The following GRIK4 variants were observed in gnomAD, a reference collection of about 807,000 sequenced individuals.
GRIK4 encodes glutamate ionotropic receptor kainate type subunit 4.
GRIK4 carries 40 observed loss-of-function variants against 104.9 expected under a neutral mutation model. The observed-to-expected ratio is 0.38, with a 90% CI of 0.30 to 0.50. GRIK4 has a LOEUF of 0.50. Among genes scored for constraint, GRIK4 ranks in the 20% least tolerant of loss-of-function variants. GRIK4 has a pLI of 0.93. For missense variants in GRIK4, 1,047 were observed against 1,308.1 expected (o/e 0.80, Z 3.08); for synonymous variants, 485 against 524.9 (o/e 0.92, Z 1.04).
At chr11:120,789,731 C>T (rs1952359392) in intron 3 of GRIK4, among the ~76,000 whole-genome samples, 1 of 152,158 alleles carries the variant, frequency 6.6e-6, no homozygotes, top group Non-Finnish European at 1.5e-5. Context: ...CTGCCAGGTG[C>T]TCAGGCCCCT....
chr11:120,969,193 C>A (rs190237377), intron 19 of GRIK4, among the ~76,000 whole-genome samples: 64 of 152,088 alleles, frequency 4.2e-4, no homozygotes, highest in Non-Finnish European at 7.3e-4. Flanking sequence ...GCAAACAATT[C>A]TTGACACTTG....
chr11:120,892,130 G>A (rs1251163354), intron 11 of GRIK4, among the ~76,000 whole-genome samples: 1 of 152,184 alleles, frequency 6.6e-6, no homozygotes, highest in East Asian at 1.9e-4. Flanking sequence ...GAGAGTTCCA[G>A]ACAGGGAATG....
intron 1 of GRIK4, among the ~76,000 whole-genome samples, chr11:120,546,347 C>T (rs912966000): frequency 4.7e-4 from 72 of 152,040 alleles, no homozygotes; most frequent in African/African-American, 1.4e-3. Context: ...AGATCTGGTC[C>T]GGAAAAGTGG....
intron 1 of GRIK4, among the ~76,000 whole-genome samples, chr11:120,648,115 C>T (rs1949567287): frequency 6.6e-6 from 1 of 152,224 alleles, no homozygotes; most frequent in South Asian, 2.1e-4. Context: ...ACTTGCTTAG[C>T]TAGGGAGGTT....
At chr11:120,648,071 A>G (rs1257641769) in intron 1 of GRIK4, among the ~76,000 whole-genome samples, 1 of 152,108 alleles carries the variant, frequency 6.6e-6, no homozygotes, top group African/African-American at 2.4e-5. Context: ...CCCCCTCACC[A>G]AGGTCCCATC....
At chr11:120,983,686 T>C (rs1305532710) in intron 20 of GRIK4, among the ~76,000 whole-genome samples, 3 of 152,154 alleles carry the variant, frequency 2.0e-5, no homozygotes, top group Non-Finnish European at 2.9e-5. Flanking sequence ...CCTTCCTCAT[T>C]TCTCCTGCTG....
chr11:120,862,653 G>T lies in GRIK4; in HGVS notation c.906+533G>T, dbSNP rs567497949. On this transcript the variant is annotated intron_variant, in intron 9 of 20. Transcript: ENST00000527524. ...CCTGCGTCACGGCTCATCCAGAATG[G>T]CTCCCTTCTGCCCAGTCCCTCTGCT... Among the ~76,000 whole-genome samples, 70 of 152,174 alleles carry T rather than the reference G, an allele frequency of 4.6e-4. 1 individual carries two copies. Among genetic ancestry groups the T allele is most frequent in the African/African-American group, 1.5e-3 (62 of 41,498 alleles).
chr11:120,526,052 C>T lies in GRIK4; in HGVS notation c.-159+14165C>T, dbSNP rs1368681867. The stretch of plus-strand genomic sequence containing the variant: ...TATTTATATAAAGTTCAAAAACAGG[C>T]GAAGTAATCTATGGTAATAGAAGCT... On this transcript the variant is annotated intron_variant, in intron 1 of 20. Transcript: ENST00000527524. Among the ~76,000 whole-genome samples, 4 of 152,188 alleles carry T rather than the reference C, an allele frequency of 2.6e-5. No individual in the cohort carries two copies. The South Asian group carries it at 8.3e-4, about 32-fold the overall frequency.
rs1591666734 is a variant in GRIK4, at chr11:120,513,940, T to C, written c.-159+2053T>C. ...CGTGGTCTGATTTCCACTTTGGTTT[T>C]CCCTTAGGATGGAGAGGGAACTTTA... On this transcript the variant is annotated intron_variant, in intron 1 of 20. Transcript: ENST00000527524. This position sits in a 1 kb window ranked among gnomAD's most constrained non-coding sequence, Gnocchi z 4.5. Among the ~76,000 whole-genome samples the C allele has an allele frequency of 6.6e-6, 1 of 152,160 alleles. No individual in the cohort carries two copies. The highest frequency in any genetic ancestry group is 1.9e-4 in the East Asian group (1 of 5,190).
chr11:120,809,352 C>A (rs994490701), intron 4 of GRIK4, among the ~76,000 whole-genome samples: 1 of 152,236 alleles, frequency 6.6e-6, no homozygotes, highest in Non-Finnish European at 1.5e-5. Context: ...ATCTCCCTCC[C>A]TTCCTGTGCC....
chr11:120,734,635 CCT>C (rs953882467), intron 3 of GRIK4, among the ~76,000 whole-genome samples: 1 of 152,052 alleles, frequency 6.6e-6, no homozygotes, highest in African/African-American at 2.4e-5. Context: ...ACTTTCTACC[CCT>C]GTCTATTTCT....
chr11:120,831,232 G>C (rs770074144), intron 6 of GRIK4, among the ~76,000 whole-genome samples: 2 of 152,182 alleles, frequency 1.3e-5, no homozygotes, highest in Non-Finnish European at 2.9e-5. Flanking sequence ...TCTGGGCCTT[G>C]GGATCTTAAG....
chr11:120,727,740 C>G (rs573753349), intron 3 of GRIK4, among the ~76,000 whole-genome samples: 1 of 151,408 alleles, frequency 6.6e-6, no homozygotes, highest in Non-Finnish European at 1.5e-5. Flanking sequence ...GATGCAGATT[C>G]AAGAAAGAAT....
chr11:120,587,696 C>T (rs1948685387), intron 1 of GRIK4, among the ~76,000 whole-genome samples: 1 of 152,148 alleles, frequency 6.6e-6, no homozygotes, highest in African/African-American at 2.4e-5. Flanking sequence ...TTTGCAAGGC[C>T]AGCCTCGCCA....
intron 3 of GRIK4, among the ~76,000 whole-genome samples, chr11:120,734,336 C>T (rs1951187505): frequency 6.6e-6 from 1 of 151,796 alleles, no homozygotes; most frequent in Non-Finnish European, 1.5e-5. Context: ...AAGTTTTTTT[C>T]CTTCAGTACT....
intron 6 of GRIK4, among the ~76,000 whole-genome samples, chr11:120,824,988 G>A (rs1480282471): frequency 5.9e-5 from 9 of 151,976 alleles, no homozygotes; most frequent in South Asian, 2.1e-4. Context: ...GCAATGGTGC[G>A]ATCTCTGCTC....
At chr11:120,949,031 T>C (rs1445540222) in intron 14 of GRIK4, among the ~76,000 whole-genome samples, 41 of 152,242 alleles carry the variant, frequency 2.7e-4, no homozygotes, top group Admixed American at 2.7e-3. Context: ...CTGTCCTGAC[T>C]GCCTGGCTCC....
At chr11:120,886,197 A>G (rs1565416862) in intron 11 of GRIK4, among the ~76,000 whole-genome samples, 1 of 152,230 alleles carries the variant, frequency 6.6e-6, no homozygotes, top group South Asian at 2.1e-4. Flanking sequence ...ACTGATGTGC[A>G]CGTTCCCAGC....
chr11:120,658,823 A>G (rs1338789287), intron 2 of GRIK4, among the ~76,000 whole-genome samples: 1 of 133,362 alleles, frequency 7.5e-6, no homozygotes, highest in Non-Finnish European at 1.5e-5. Context: ...ATCTCGGCTC[A>G]CTGCAAGCTC....
Sources: gnomAD v4.1 joint callset for allele counts (sites outside exome capture counted in the v4.1 genomes callset) on GRCh38, gnomAD v4.1.1 for gene constraint, Gnocchi (gnomAD v3.1) non-coding constraint, MANE v1.5 for transcripts, NCBI Gene and HGNC (gene_info 2026-07-23, HGNC 2026-07-21) for gene names.